MDGA2: variants seen among roughly 807,000 people sequenced by gnomAD.
The protein encoded by MDGA2 is MAM domain containing glycosylphosphatidylinositol anchor 2.
MDGA2 carries 40 observed loss-of-function variants against 117.8 expected under a neutral mutation model. That is an observed-to-expected ratio of 0.34 (90% confidence interval 0.26 to 0.44). MDGA2 has a LOEUF of 0.44. MDGA2 is among the 20% of genes least tolerant of loss of function. The pLI, the probability that MDGA2 is intolerant of heterozygous loss-of-function variation, is 1.00. For synonymous variants in MDGA2, 452 were observed against 439.0 expected (o/e 1.03, Z -0.37); for missense variants, 1,123 against 1,250.6 (o/e 0.90, Z 1.54).
chr14:47,437,876 G>A (rs1268852564), intron 1 of MDGA2, among the ~76,000 whole-genome samples: 1 of 152,110 alleles, frequency 6.6e-6, no homozygotes, highest in African/African-American at 2.4e-5. Flanking sequence ...TTTATTCTGA[G>A]TAGTCATGCT....
intron 1 of MDGA2, among the ~76,000 whole-genome samples, chr14:47,537,484 A>G (rs1259232691): frequency 6.8e-6 from 1 of 146,910 alleles, no homozygotes; most frequent in African/African-American, 2.5e-5. Context: ...CAACTGTTGT[A>G]CATGAAAGAA....
intron 1 of MDGA2, among the ~76,000 whole-genome samples, chr14:47,441,621 A>G (rs1016590482): frequency 6.6e-6 from 1 of 152,070 alleles, no homozygotes; most frequent in Non-Finnish European, 1.5e-5. Flanking sequence ...AGCCATATAG[A>G]CTCCCTTTCC....
intron 1 of MDGA2, among the ~76,000 whole-genome samples, chr14:47,389,681 G>T (rs913879953): frequency 6.6e-6 from 1 of 151,818 alleles, no homozygotes; most frequent in African/African-American, 2.4e-5. Flanking sequence ...TGCAGCTGCA[G>T]AAGTGAGAAG....
At chr14:47,231,258 T>C (rs1436674325) in intron 2 of MDGA2, among the ~76,000 whole-genome samples, 1 of 152,096 alleles carries the variant, frequency 6.6e-6, no homozygotes, top group African/African-American at 2.4e-5. Flanking sequence ...AATTATTTAT[T>C]AATGCATCTC....
intron 1 of MDGA2, among the ~76,000 whole-genome samples, chr14:47,395,380 C>T (rs1891985728): frequency 6.6e-6 from 1 of 152,040 alleles, no homozygotes; most frequent in South Asian, 2.1e-4. Context: ...CAGTGTTCTT[C>T]TCAGAATAAA....
At chr14:47,470,515 T>A (rs566190354) in intron 1 of MDGA2, among the ~76,000 whole-genome samples, 2 of 152,168 alleles carry the variant, frequency 1.3e-5, no homozygotes, top group African/African-American at 4.8e-5. Context: ...CAGTCTATCA[T>A]TGATGGACAT....
At chr14:47,672,634 T>C (rs1399162633) in intron 1 of MDGA2, among the ~76,000 whole-genome samples, 1 of 152,010 alleles carries the variant, frequency 6.6e-6, no homozygotes, top group African/African-American at 2.4e-5. Context: ...CATGCATACA[T>C]ACAAATTTAA....
At chr14:47,171,784 G>C (rs2139322902) in intron 3 of MDGA2, among the ~76,000 whole-genome samples, 1 of 152,296 alleles carries the variant, frequency 6.6e-6, no homozygotes, top group East Asian at 1.9e-4. Context: ...GGGAGTGCCA[G>C]ACAGTGGGCT....
intron 1 of MDGA2, among the ~76,000 whole-genome samples, chr14:47,465,363 A>G (rs1298951417): frequency 6.6e-6 from 1 of 152,206 alleles, no homozygotes; most frequent in Admixed American, 6.5e-5. Flanking sequence ...GCTTCTGCAC[A>G]GCAAAAGACA....
At chr14:47,416,352 T>C (rs1475215702) in intron 1 of MDGA2, among the ~76,000 whole-genome samples, 2 of 152,176 alleles carry the variant, frequency 1.3e-5, no homozygotes, top group African/African-American at 4.8e-5. Context: ...GTCCAAAACC[T>C]TAATTTTCAA....
chr14:47,399,876 C>A (rs988784608), intron 1 of MDGA2, among the ~76,000 whole-genome samples: 13 of 151,984 alleles, frequency 8.6e-5, no homozygotes, highest in African/African-American at 3.1e-4. Context: ...CTGATGTGGT[C>A]AGAGAAGGTA....
At chr14:47,093,667 T>C (rs1879799202) in intron 6 of MDGA2, among the ~76,000 whole-genome samples, 1 of 152,160 alleles carries the variant, frequency 6.6e-6, no homozygotes, top group South Asian at 2.1e-4. Context: ...CCATGTGAGA[T>C]TTGTATTCAG....
chr14:47,275,077 T>C (rs909547665), intron 2 of MDGA2, among the ~76,000 whole-genome samples: 1 of 152,212 alleles, frequency 6.6e-6, no homozygotes, highest in Non-Finnish European at 1.5e-5. Flanking sequence ...TTTAGTACAA[T>C]TTATCTACTT....
chr14:47,147,500 C>T (rs897775032), intron 3 of MDGA2, among the ~76,000 whole-genome samples: 5 of 152,196 alleles, frequency 3.3e-5, no homozygotes, highest in African/African-American at 2.4e-5. Context: ...AGCCTTTATA[C>T]ACCGACCACC....
At chr14:47,027,628 T>A (rs1479265291) in intron 8 of MDGA2, among the ~76,000 whole-genome samples, 3 of 10,952 alleles carry the variant, frequency 2.7e-4, no homozygotes, top group East Asian at 8.3e-3. Context: ...TATTATATAT[T>A]ATATATATAT....
chr14:47,559,336 T>C (rs1045394228), intron 1 of MDGA2, among the ~76,000 whole-genome samples: 2 of 152,150 alleles, frequency 1.3e-5, no homozygotes, highest in Non-Finnish European at 1.5e-5. Context: ...GAGCAAGTGG[T>C]ATTTGGTTTT....
intron 9 of MDGA2, among the ~76,000 whole-genome samples, chr14:46,947,324 G>T (rs886324754): frequency 7.9e-5 from 12 of 151,958 alleles, no homozygotes; most frequent in African/African-American, 2.7e-4. Flanking sequence ...TAAATTATCT[G>T]CTTTATCTCT....
At chr14:47,593,653 C>G (rs77885389) in intron 1 of MDGA2, among the ~76,000 whole-genome samples, 7,621 of 152,072 alleles carry the variant, frequency 0.05, 639 homozygotes, top group African/African-American at 0.17. Flanking sequence ...CACATGTTCT[C>G]ACTCATAAGT....
At chr14:47,101,210 A>G (rs1459421520) in intron 5 of MDGA2, among the ~76,000 whole-genome samples, 3 of 152,188 alleles carry the variant, frequency 2.0e-5, no homozygotes, top group Admixed American at 6.5e-5. Flanking sequence ...AGAAAAGGAA[A>G]GAAAGGAAGG....
Sources: allele counts gnomAD v4.1 joint callset (sites outside exome capture counted in the v4.1 genomes callset), GRCh38; gene constraint gnomAD v4.1.1; transcripts MANE v1.5; gene names NCBI Gene and HGNC (gene_info 2026-07-23, HGNC 2026-07-21).